FLNA: variants seen among roughly 807,000 people sequenced by gnomAD.
FLNA encodes the protein filamin A, also known as filamin-A.
FLNA carries 7 observed loss-of-function variants against 157.6 expected under a neutral mutation model. The ratio of observed to expected loss-of-function variants is 0.04; its 90% CI spans 0.03 to 0.08. The LOEUF (loss-of-function observed/expected upper bound fraction) is 0.08, where lower values mean the gene tolerates loss of function less well. Ranked by LOEUF, FLNA falls within the 10% of genes least tolerant of loss-of-function variation. The pLI, the probability that FLNA is intolerant of heterozygous loss-of-function variation, is 1.00. For missense variants in FLNA, 1,750 were observed against 2,398.4 expected (o/e 0.73, Z 5.65); for synonymous variants, 1,103 against 1,060.8 (o/e 1.04, Z -0.77).
Position 154,366,119 on chromosome X carries a change from C to G in FLNA, c.1334G>C (p.Ser445Thr), listed in dbSNP as rs782685505. Residue 445 changes from serine to threonine, a missense_variant, in exon 9 of 48, where the codon AGC becomes ACC. Ser to Thr is a moderately conservative substitution (Grantham distance 58). Transcript: ENST00000369850. Reference sequence around the variant, plus strand: ...GACGCCCTCCATGGTGGGCTGGTAGCTGCAGCGGTATGTGCTGTCGCCCCG... The same window carrying G: ...GACGCCCTCCATGGTGGGCTGGTAGGTGCAGCGGTATGTGCTGTCGCCCCG... The part of the protein sequence containing the change: ...EARGDSTYRC[S>T]YQPTMEGVHT... The G allele has an allele frequency of 1.7e-5, 20 of 1,209,329 alleles. No individual in the cohort carries two copies. The highest frequency in any genetic ancestry group is 2.0e-5 in the Non-Finnish European group (18 of 894,981).
chrX:154,354,310 G>A lies in FLNA; in HGVS notation c.5417-19C>T. ...ACCTCCCCTGTGGGGCAGTGGGGCTGAGGTCAGGGCAGCTCATTGGCACAG... is the reference window on the plus strand; with the variant it reads ...ACCTCCCCTGTGGGGCAGTGGGGCTAAGGTCAGGGCAGCTCATTGGCACAG... On this transcript the variant is annotated intron_variant, in intron 33 of 47. Transcript: ENST00000369850. The A allele has an allele frequency of 8.3e-7, 1 of 1,211,909 alleles. No homozygotes were observed. Among genetic ancestry groups the A allele is most frequent in the Non-Finnish European group, 1.1e-6 (1 of 895,588 alleles).
In FLNA at chrX:154,353,663, A is replaced by G. The variant is rs1557176262; in HGVS notation, c.5751T>C (p.Asp1917=). The part of the protein sequence containing the change: ...KAEISCTDNQ[D]GTCSVSYLPV... ...GCAGGTAGGACACGCTGCATGTCCC[A>G]TCCTGGTTGTCAGTGCAGCTGATTT... Residue 1917 remains aspartate, a synonymous_variant, in exon 36 of 48, where the codon GAT becomes GAC. Transcript: ENST00000369850. The G allele has an allele frequency of 1.2e-5, 14 of 1,210,649 alleles. No individual in the cohort carries two copies. The highest frequency in any genetic ancestry group is 3.5e-5 in the African/African-American group (2 of 57,601).
chrX:154,358,067 C>A (rs1459530328), intron 28 of FLNA, 132 bp downstream of exon 28: 3 of 768,497 alleles, frequency 3.9e-6, no homozygotes, highest in Middle Eastern at 4.3e-4. Flanking sequence ...CTTAGCAAAC[C>A]AAAGACAGGG....
In FLNA at chrX:154,348,703, G is replaced by C; in HGVS notation, c.*146C>G. On this transcript the variant is annotated 3_prime_UTR_variant, in exon 48 of 48. Coordinates refer to ENST00000369850, the MANE Select transcript of FLNA (RefSeq NM_001110556.2). ...GGTCAGCGGCTGGCTGGGGAGGCAG[G>C]TGAGCGCAGCACGGCACAGGGCAGG... 2.0e-6 allele frequency: 1 copy of C among 503,407 alleles called. No homozygotes were observed. The highest frequency in any genetic ancestry group is 3.2e-6 in the Non-Finnish European group (1 of 312,618). The allele number at this position is 503,407 out of a possible 1,213,427, so 41.5% of individuals were successfully genotyped here.
At chrX:154,350,760 G>C (rs782094364) in intron 44 of FLNA, 149 bp downstream of exon 44, 2 of 627,287 alleles carry the variant, frequency 3.2e-6, no homozygotes, top group African/African-American at 4.4e-5. Flanking sequence ...AGCGGCTTGG[G>C]TCACCAATTG....
At chrX:154,364,761 G>T in intron 12 of FLNA, 42 bp from the exon 13 acceptor site, 1 of 1,208,395 alleles carries the variant, frequency 8.3e-7, no homozygotes, top group Non-Finnish European at 1.1e-6. Context: ...TGGAGCCTCA[G>T]GGTGGGCCGT....
In FLNA at chrX:154,359,014, G is replaced by C. The variant is rs782349011; in HGVS notation, c.4444C>G (p.Pro1482Ala). The change falls in exon 26 of 48, where the codon CCA (proline) becomes GCA (alanine). Residue 1482 changes from proline (P) to alanine (A), a missense_variant. Pro to Ala is a conservative substitution (Grantham distance 27, BLOSUM62 -1). Around this residue, in one of 5 missense-constraint regions of FLNA, gnomAD observed 970 missense variants for 1,302.6 expected, o/e 0.74. Coordinates refer to ENST00000369850, the MANE Select transcript of FLNA (RefSeq NM_001110556.2). The stretch of plus-strand genomic sequence containing the variant: ...GGCCCTTGCACTTTGACCTGCAATG[G>C]GGCCACACCAGCCTTGCTTGTGTCC... ...QVDTSKAGVA[P>A]LQVKVQGPKG... The C allele has an allele frequency of 8.3e-7, 1 of 1,211,350 alleles. No individual in the cohort carries two copies. The highest frequency in any genetic ancestry group is 2.2e-5 in the Admixed American group (1 of 46,121).
Position 154,370,879 on chromosome X carries a change from A to T in FLNA, c.367T>A (p.Ser123Thr). Residue 123 changes from serine to threonine, a missense_variant, in exon 2 of 48, where the codon TCC becomes ACC. Ser to Thr is a moderately conservative substitution (Grantham distance 58). Coordinates refer to ENST00000369850, the MANE Select transcript of FLNA (RefSeq NM_001110556.2). ...FLDRESIKLV[S>T]IDSKAIVDGN... ...GCTTCGGGGCGTCCCTCACCGATGG[A>T]CACCAGTTTGATGCTCTCGCGGTCC... 1 of 1,209,547 alleles carries T rather than the reference A, an allele frequency of 8.3e-7. No homozygotes were observed. The highest frequency in any genetic ancestry group is 1.1e-6 in the Non-Finnish European group (1 of 894,628).
At position 154,357,571 on chromosome X, in the gene FLNA, G is replaced by C; in HGVS notation, c.4808C>G (p.Thr1603Arg). 1 of 1,211,827 alleles carries C rather than the reference G, an allele frequency of 8.3e-7. No homozygotes were observed. The highest frequency in any genetic ancestry group is 1.1e-6 in the Non-Finnish European group (1 of 895,335). The change falls in exon 29 of 48, where the codon ACG (threonine) becomes AGG (arginine). Residue 1603 changes from threonine to arginine, a missense_variant. Transcript: ENST00000369850. ...KTHIQDNHDG[T>R]YTVAYVPDVT... ...GTCTGGCACGTAGGCCACTGTATAC[G>C]TGCCGTCATGGTTGTCTTGGATGTG...
chrX:154,370,789 G>A (rs2067800205), intron 2 of FLNA, 84 bp downstream of exon 2: 1 of 1,035,022 alleles, frequency 9.7e-7, no homozygotes, highest in South Asian at 2.0e-5. Flanking sequence ...GGAAGGGGGT[G>A]GTTTGGAGGG....
chrX:154,362,922 G>A, intron 15 of FLNA, 138 bp from the exon 16 acceptor site: 1 of 685,045 alleles, frequency 1.5e-6, no homozygotes, highest in South Asian at 2.8e-5. Flanking sequence ...TGACCACAGA[G>A]GGACTGTGTG....
Position 154,357,576 on chromosome X carries a change from G to A in FLNA, c.4803C>T (p.Asp1601=), listed in dbSNP as rs1557177102. 4.1e-6 allele frequency: 5 copies of A among 1,210,708 alleles called. No homozygotes were observed. The highest frequency in any genetic ancestry group is 3.5e-5 in the African/African-American group (2 of 57,499). The change falls in exon 29 of 48, where the codon GAC becomes GAT. Residue 1601 remains aspartate, a synonymous_variant. Transcript: ENST00000369850. ...GCACGTAGGCCACTGTATACGTGCC[G>A]TCATGGTTGTCTTGGATGTGTGTCT... ...PKKTHIQDNH[D]GTYTVAYVPD... is the part of the protein sequence containing the mutation.
intron 41 of FLNA, 32 bp downstream of exon 41, chrX:154,352,149 A>G: frequency 7.4e-6 from 9 of 1,209,847 alleles, no homozygotes; most frequent in Non-Finnish European, 1.0e-5. Flanking sequence ...CCAACGCAGG[A>G]GAGCGAGCAC....
chrX:154,352,077 C>G, intron 41 of FLNA, 56 bp from the exon 42 acceptor site: 2 of 1,208,800 alleles, frequency 1.7e-6, no homozygotes, highest in Non-Finnish European at 2.2e-6. Context: ...TCGGCCCCCT[C>G]CAGGCATAGC....
Position 154,362,133 on chromosome X carries a change from T to A in FLNA, c.2672A>T (p.Lys891Met), listed in dbSNP as rs2148114112. The change falls in exon 19 of 48, where the codon AAG (lysine) becomes ATG (methionine). Residue 891 changes from lysine (K) to methionine (M), a missense_variant. This residue lies in a region of FLNA where 648 missense variants were observed against 805.8 expected (regional missense o/e 0.80). Coordinates refer to ENST00000369850, the MANE Select transcript of FLNA (RefSeq NM_001110556.2). ...GLSRTGVELG[K>M]PTHFTVNAKA... Reference sequence around the variant, plus strand: ...GGCATTTACTGTGAAGTGGGTGGGCTTGCCAAGCTCGACACCTGAGGAACA... The same window carrying A: ...GGCATTTACTGTGAAGTGGGTGGGCATGCCAAGCTCGACACCTGAGGAACA... 3 of 1,211,647 alleles carry A rather than the reference T, an allele frequency of 2.5e-6. No homozygotes were observed. Among genetic ancestry groups the A allele is most frequent in the Non-Finnish European group, 3.4e-6 (3 of 895,380 alleles).
Position 154,362,478 on chromosome X carries a change from C to A in FLNA, c.2505G>T (p.Thr835=), listed in dbSNP as rs782013801. Residue 835 remains threonine (T), a synonymous_variant, in exon 17 of 48, where the codon ACG becomes ACT. Coordinates refer to ENST00000369850, the MANE Select transcript of FLNA (RefSeq NM_001110556.2). ...CAGCCCCCCGGGGCGTGTACTTGACCGTGAAGGTGTCATTGTCATTGCGGA... is the reference window on the plus strand; with the variant it reads ...CAGCCCCCCGGGGCGTGTACTTGACAGTGAAGGTGTCATTGTCATTGCGGA... ...DIIRNDNDTF[T]VKYTPRGAGS... is the part of the protein sequence containing the mutation. The A allele has an allele frequency of 8.3e-7, 1 of 1,211,714 alleles. No individual in the cohort carries two copies. The highest frequency in any genetic ancestry group is 1.1e-6 in the Non-Finnish European group (1 of 895,375).
At position 154,349,264 on chromosome X, in the gene FLNA, C is replaced by A; in HGVS notation, c.7756+98G>T. 6 of 953,123 alleles carry A rather than the reference C, an allele frequency of 6.3e-6. No homozygotes were observed. In the East Asian group the frequency reaches 1.8e-4, roughly 29 times the overall value. The allele number at this position is 953,123 out of a possible 1,213,427, so 78.5% of individuals were successfully genotyped here. On this transcript the variant is annotated intron_variant, in intron 47 of 47. Coordinates refer to ENST00000369850, the MANE Select transcript of FLNA (RefSeq NM_001110556.2). ...GAGGTGGCTCTAGAAGTGAAAGCCA[C>A]GCCCCAAAGGCGGTCCCTGCTCTCC...
chrX:154,353,009 C>T lies in FLNA; in HGVS notation c.6218G>A (p.Arg2073His), dbSNP rs781956012. Residue 2073 changes from arginine to histidine, a missense_variant, in exon 38 of 48, where the codon CGC (arginine) becomes CAC (histidine). Physicochemically the swap from Arg to His is conservative, Grantham distance 29 (BLOSUM62 0). Transcript: ENST00000369850. ...GGGCAGCCACTGCCTACCTGCATCG[C>T]GGGTATCAATGATAAACTCTGCAGG... ...FEPAEFIIDT[R>H]DAGYGGLSLS... 1.7e-5 allele frequency: 20 copies of T among 1,209,983 alleles called. No homozygotes were observed. The highest frequency in any genetic ancestry group is 3.5e-5 in the South Asian group (2 of 56,904).
rs2148116306 is a variant in FLNA, at chrX:154,364,652, A to G, written c.1896T>C (p.Asp632=). 1.7e-6 allele frequency: 2 copies of G among 1,211,013 alleles called. No homozygotes were observed. The highest frequency in any genetic ancestry group is 2.2e-6 in the Non-Finnish European group (2 of 895,413). ...ECDDKGDGSC[D]VRYWPQEAGE... is the part of the protein sequence containing the mutation. ...CAGCCTCCTGCGGCCAGTAGCGCAC[A>G]TCACAGGAGCCGTCGCCCTTGTCGT... Residue 632 remains aspartate (D), a synonymous_variant, in exon 13 of 48, where the codon GAT becomes GAC. Transcript: ENST00000369850.
Sources: allele counts gnomAD v4.1 joint callset, GRCh38; gene constraint gnomAD v4.1.1; regional missense constraint gnomAD v4.1.1; transcripts MANE v1.5; gene names NCBI Gene and HGNC (gene_info 2026-07-23, HGNC 2026-07-21).